TMEM64: variants seen among roughly 807,000 people sequenced by gnomAD.
The protein encoded by TMEM64 is transmembrane protein 64.
In TMEM64, 19 loss-of-function variants were observed where a neutral mutation model predicts 24.5. That is an observed-to-expected ratio of 0.78 (90% CI 0.54 to 1.14). The LOEUF (loss-of-function observed/expected upper bound fraction) is 1.14. TMEM64 is among the 50% of genes most tolerant of loss of function. The pLI, the probability that TMEM64 is intolerant of heterozygous loss-of-function variation, is 0.00. For synonymous variants in TMEM64, 262 were observed against 224.7 expected (o/e 1.17, Z -1.49); for missense variants, 487 against 493.0 (o/e 0.99, Z 0.12).
rs1341260094 is a variant in TMEM64 at position 90,645,665 on chromosome 8, G to T, written c.241C>A (p.Leu81Met). ...ERHGPPEASE[L>M]PEPGGALAGG... ...GCCAAGGCCCCGCCCGGCTCCGGCA[G>T]CTCCGAAGCCTCGGGCGGACCGTGG... The change falls in exon 1 of 3, where the codon CTG becomes ATG. Residue 81 changes from leucine to methionine, a missense_variant. Physicochemically the swap from Leu to Met is conservative, Grantham distance 15. This residue lies in a region of TMEM64 where 419 missense variants were observed against 407.5 expected (regional missense o/e 1.03). Coordinates refer to ENST00000458549, the MANE Select transcript of TMEM64 (RefSeq NM_001008495.4). The surrounding 1 kb of genome is among the most constrained non-coding windows in gnomAD (Gnocchi z 4.2). 19 of 1,520,760 alleles carry T rather than the reference G, an allele frequency of 1.2e-5. No homozygotes were observed. The South Asian group carries it at 1.8e-4, about 15-fold the overall frequency. 94.2% of individuals were successfully genotyped at this position (1,520,760 alleles called of 1,614,324 possible).
chr8:90,628,843 C>G (rs1298902321), intron 2 of TMEM64, among the ~76,000 whole-genome samples: 1 of 152,120 alleles, frequency 6.6e-6, no homozygotes, highest in African/African-American at 2.4e-5. Flanking sequence ...TAGGGATACT[C>G]AACAGGTAAG....
chr8:90,638,015 G>A (rs772134112), intron 1 of TMEM64, among the ~76,000 whole-genome samples: 3 of 152,002 alleles, frequency 2.0e-5, no homozygotes, highest in South Asian at 2.1e-4. Flanking sequence ...CTTGTCAACC[G>A]CACCTTCTCT....
Position 90,622,285 on chromosome 8 carries a change from G to A in TMEM64, c.*3386C>T, listed in dbSNP as rs1457431407. The A allele has an allele frequency of 6.6e-6, 1 of 152,142 alleles. No individual in the cohort carries two copies. Among genetic ancestry groups the A allele is most frequent in the Non-Finnish European group, 1.5e-5 (1 of 68,028 alleles). 9.4% of individuals were successfully genotyped at this position (152,142 alleles called of 1,614,324 possible). On this transcript the variant is annotated 3_prime_UTR_variant, in exon 3 of 3. Transcript: ENST00000458549. ...TAATGGCTTTTCAGATTAAAGCAAT[G>A]ACTTTAAAAAGATTACATCCTAAAT...
At position 90,645,879 on chromosome 8, in the gene TMEM64, G is replaced by A. The variant is rs1738687091; in HGVS notation, c.27C>T (p.Leu9=). The change falls in exon 1 of 3, where the codon CTC becomes CTT. Residue 9 remains leucine (L), a synonymous_variant. Transcript: ENST00000458549. The surrounding 1 kb of genome is among the most constrained non-coding windows in gnomAD (Gnocchi z 4.2). ...GCTGCAGCAGCCGGGGCAGCGCCTG[G>A]AGCAGGATCCCGCCCGGGCTCCGCA... MRSPGGIL[L]QALPRLLQHA... is the part of the protein sequence containing the mutation. 1 of 1,138,670 alleles carries A rather than the reference G, an allele frequency of 8.8e-7. No homozygotes were observed. The highest frequency in any genetic ancestry group is 1.1e-6 in the Non-Finnish European group (1 of 928,328). 70.5% of individuals were successfully genotyped at this position (1,138,670 alleles called of 1,614,324 possible). A position where few individuals can be genotyped will look rare whatever the true frequency, so the allele number is the denominator to read the frequency against.
rs1809311653 is a variant in TMEM64 at position 90,623,481 on chromosome 8, G to A, written c.*2190C>T. Reference sequence around the variant, plus strand: ...TATTGTTTACTTGGATGCTGGAAATGCTGAAGAAAAGAAAAACCACAGCCA... The same window carrying A: ...TATTGTTTACTTGGATGCTGGAAATACTGAAGAAAAGAAAAACCACAGCCA... On this transcript the variant is annotated 3_prime_UTR_variant, in exon 3 of 3. Transcript: ENST00000458549. The A allele has an allele frequency of 6.6e-6, 1 of 152,472 alleles. No homozygotes were observed. The highest frequency in any genetic ancestry group is 1.5e-5 in the Non-Finnish European group (1 of 67,974). 9.4% of individuals were successfully genotyped at this position (152,472 alleles called of 1,614,324 possible).
At chr8:90,641,735 G>T (rs1809608049) in intron 1 of TMEM64, among the ~76,000 whole-genome samples, 1 of 152,230 alleles carries the variant, frequency 6.6e-6, no homozygotes, top group Non-Finnish European at 1.5e-5. Context: ...TAAGTTATGT[G>T]TGCATGATTA....
intron 1 of TMEM64, among the ~76,000 whole-genome samples, chr8:90,644,400 G>A (rs1303998156): frequency 6.6e-6 from 1 of 152,194 alleles, no homozygotes; most frequent in Admixed American, 6.5e-5. Context: ...ATAGAAACCT[G>A]AGTAAGCAAA....
chr8:90,629,215 A>C lies in TMEM64; in HGVS notation c.951+2337T>G, dbSNP rs138482190. On this transcript the variant is annotated intron_variant, in intron 2 of 2. Transcript: ENST00000458549. The stretch of plus-strand genomic sequence containing the variant: ...CGTAAACATGTCTTCACTTCTTTTC[A>C]TAAATCCCTAGGCTAAGAAATATGT... Among the ~76,000 whole-genome samples the C allele has an allele frequency of 3.7e-3, 561 of 152,326 alleles. 4 individuals carry two copies. Among genetic ancestry groups the C allele is most frequent in the African/African-American group, 0.013 (536 of 41,578 alleles).
intron 2 of TMEM64, among the ~76,000 whole-genome samples, 185 bp downstream of exon 2, chr8:90,631,367 G>A (rs1586126939): frequency 1.3e-5 from 2 of 152,058 alleles, no homozygotes; most frequent in Non-Finnish European, 2.9e-5. Context: ...TTCTACACTT[G>A]CATATATCCA....
At chr8:90,640,911 T>C (rs7011691) in intron 1 of TMEM64, among the ~76,000 whole-genome samples, 25,988 of 152,044 alleles carry the variant, frequency 0.17, 4,698 homozygotes, top group African/African-American at 0.46. Context: ...TTTGGTAACA[T>C]TCAATTCTAT....
chr8:90,627,624 T>C (rs1450776043), intron 2 of TMEM64, among the ~76,000 whole-genome samples: 3 of 151,350 alleles, frequency 2.0e-5, no homozygotes, highest in South Asian at 4.2e-4. Flanking sequence ...TGCTGGGGAG[T>C]AGGATGAGGG....
Position 90,645,001 on chromosome 8 carries a change from C to CA in TMEM64, c.795+109dup. 1.7e-6 allele frequency: 2 copies of CA among 1,201,998 alleles called. No individual in the cohort carries two copies. The highest frequency in any genetic ancestry group is 2.9e-5 in the South Asian group (2 of 67,952). The allele number at this position is 1,201,998 out of a possible 1,614,324, so 74.5% of individuals were successfully genotyped here. On this transcript the variant is annotated intron_variant, in intron 1 of 2. Transcript: ENST00000458549. This position sits in a 1 kb window ranked among gnomAD's most constrained non-coding sequence, Gnocchi z 4.2. ...GGAAAGTAATCGTAACTCCTGCCGT[C>CA]AATGTCACTTCTCTGCTGGTATTTA... is the stretch of plus-strand genomic sequence containing the variant.
intron 1 of TMEM64, among the ~76,000 whole-genome samples, chr8:90,642,615 T>G (rs553449275): frequency 7.9e-5 from 12 of 152,202 alleles, no homozygotes; most frequent in Non-Finnish European, 1.8e-4. Context: ...CTAAGCTTTC[T>G]TTTCTTTCAC....
chr8:90,645,708 G>T lies in TMEM64; in HGVS notation c.198C>A (p.Leu66=), dbSNP rs1395373279. The part of the protein sequence containing the change: ...AAAAAASGAL[L]GAYLERHGPP... Reference sequence around the variant, plus strand: ...GACCGTGGCGCTCCAGATAGGCGCCGAGCAGGGCGCCCGAGGCCGCCGCTG... The same window carrying T: ...GACCGTGGCGCTCCAGATAGGCGCCTAGCAGGGCGCCCGAGGCCGCCGCTG... The change falls in exon 1 of 3, where the codon CTC becomes CTA. Residue 66 remains leucine (L), a synonymous_variant. Transcript: ENST00000458549. The surrounding 1 kb of genome is among the most constrained non-coding windows in gnomAD (Gnocchi z 4.2). 8.0e-7 allele frequency: 1 copy of T among 1,250,218 alleles called. No homozygotes were observed. The highest frequency in any genetic ancestry group is 3.0e-5 in the South Asian group (1 of 33,172). 77.4% of individuals were successfully genotyped at this position (1,250,218 alleles called of 1,614,324 possible).
At chr8:90,626,849 C>T (rs1404333725) in intron 2 of TMEM64, among the ~76,000 whole-genome samples, 4 of 152,018 alleles carry the variant, frequency 2.6e-5, no homozygotes, top group African/African-American at 9.7e-5. Flanking sequence ...AGGCTGGTCT[C>T]AAACTCCTGA....
rs547796750 is a variant in TMEM64 at position 90,642,892 on chromosome 8, G to A, written c.795+2219C>T. ...CTCTGTTTCTTCTCAGTGAAATGGT[G>A]ACAATAATACCTATTGCAAGAGGCC... On this transcript the variant is annotated intron_variant, in intron 1 of 2. Transcript: ENST00000458549. Among the ~76,000 whole-genome samples, 9 of 152,244 alleles carry A rather than the reference G, an allele frequency of 5.9e-5. No homozygotes were observed. The South Asian group carries it at 1.9e-3, about 32-fold the overall frequency.
At chr8:90,627,395 T>G (rs891642222) in intron 2 of TMEM64, among the ~76,000 whole-genome samples, 4 of 148,488 alleles carry the variant, frequency 2.7e-5, no homozygotes, top group Non-Finnish European at 5.9e-5. Context: ...ACAAGATATA[T>G]TTACCGAAAA....
chr8:90,623,100 A>G lies in TMEM64; in HGVS notation c.*2571T>C, dbSNP rs1299568163. The G allele has an allele frequency of 6.6e-6, 1 of 152,220 alleles. No individual in the cohort carries two copies. Among genetic ancestry groups the G allele is most frequent in the Non-Finnish European group, 1.5e-5 (1 of 68,022 alleles). 9.4% of individuals were successfully genotyped at this position (152,220 alleles called of 1,614,324 possible). Reference sequence around the variant, plus strand: ...ATAAACCAAAAAACATGTAAAACTTAAGAAAACTCCCAAAGAATTAAAAAA... The same window carrying G: ...ATAAACCAAAAAACATGTAAAACTTGAGAAAACTCCCAAAGAATTAAAAAA... On this transcript the variant is annotated 3_prime_UTR_variant, in exon 3 of 3. Coordinates refer to ENST00000458549, the MANE Select transcript of TMEM64 (RefSeq NM_001008495.4).
intron 1 of TMEM64, among the ~76,000 whole-genome samples, chr8:90,642,674 T>TCAACAAAAGTA (rs1809621811): frequency 6.6e-6 from 1 of 152,216 alleles, no homozygotes; most frequent in South Asian, 2.1e-4. Flanking sequence ...GGACTACTTC[T>TCAACAAAAGTA]GTAAGCAGGC....
Sources: allele counts gnomAD v4.1 joint callset (sites outside exome capture counted in the v4.1 genomes callset), GRCh38; gene constraint gnomAD v4.1.1; regional missense constraint gnomAD v4.1.1; non-coding constraint Gnocchi (gnomAD v3.1); transcripts MANE v1.5; gene names NCBI Gene and HGNC (gene_info 2026-07-23, HGNC 2026-07-21).